NLRP5: variants seen among roughly 807,000 people sequenced by gnomAD.
NLRP5 encodes the protein NACHT, LRR and PYD domains-containing protein 5.
A neutral mutation model predicts 113.1 loss-of-function variants in NLRP5; 93 were observed. That is an observed-to-expected ratio of 0.82 (90% CI 0.70 to 0.98). The LOEUF is 0.98. Among genes scored for constraint, NLRP5 ranks in the 50% least tolerant of loss-of-function variants. The pLI is 0.00. For missense variants in NLRP5, 1,808 were observed against 1,514.3 expected (o/e 1.19, Z -3.22); for synonymous variants, 751 against 600.7 (o/e 1.25, Z -3.66).
Position 56,007,758 on chromosome 19 carries a change from C to T in NLRP5, c.443-1030C>T, listed in dbSNP as rs540374903. ...GGATTGTGGAATAAACACAGGGAGA[C>T]GAGTTTGAGGTCTTTCTACTGTCCA... is the stretch of plus-strand genomic sequence containing the variant. On this transcript the variant is annotated intron_variant, in intron 2 of 14. Transcript: ENST00000390649. 2.6e-3 allele frequency among the ~76,000 whole-genome samples: 362 copies of T among 141,100 alleles called. 3 individuals are homozygous for T. Among genetic ancestry groups the T allele is most frequent in the Middle Eastern group, 7.2e-3 (2 of 278 alleles). The allele number at this position is 141,100 out of a possible 152,430, so 92.6% of individuals were successfully genotyped here.
chr19:56,056,564 CAA>C (rs1984160730), intron 13 of NLRP5, among the ~76,000 whole-genome samples: 1 of 151,800 alleles, frequency 6.6e-6, no homozygotes, highest in African/African-American at 2.4e-5. Context: ...TTCTAAAAAA[CAA>C]AAGCATCCCT....
chr19:56,039,682 C>T (rs1053227109), intron 10 of NLRP5, among the ~76,000 whole-genome samples: 7 of 152,108 alleles, frequency 4.6e-5, no homozygotes, highest in African/African-American at 1.4e-4. Flanking sequence ...GAGGCCGAGG[C>T]GGGCGGATCA....
chr19:56,029,120 C>T (rs1174497646), intron 7 of NLRP5, among the ~76,000 whole-genome samples: 1 of 152,052 alleles, frequency 6.6e-6, no homozygotes, highest in Non-Finnish European at 1.5e-5. Flanking sequence ...CAGGGCCGTG[C>T]TGTCCAGTAG....
intron 6 of NLRP5, among the ~76,000 whole-genome samples, chr19:56,025,415 TTTTTTTTTGAGATGGA>T (rs1278579986): frequency 2.0e-5 from 3 of 150,384 alleles, no homozygotes; most frequent in South Asian, 2.1e-4. Flanking sequence ...TGTCTCTCTG[TTTTTTTTTGAGATGGA>T]GTCTCGCTCT....
At chr19:56,013,376 TAG>T (rs1204508885) in intron 3 of NLRP5, among the ~76,000 whole-genome samples, 1 of 151,904 alleles carries the variant, frequency 6.6e-6, no homozygotes, top group Non-Finnish European at 1.5e-5. Context: ...GTATTTTCAG[TAG>T]AGACGGGGTT....
intron 6 of NLRP5, among the ~76,000 whole-genome samples, chr19:56,021,061 G>A (rs112337011): frequency 4.0e-5 from 6 of 151,830 alleles, no homozygotes; most frequent in African/African-American, 1.2e-4. Context: ...TAGTAGAGAT[G>A]GGGTTTCACC....
rs763571193 is a variant in NLRP5, at chr19:56,026,990, T to C, written c.757T>C (p.Phe253Leu). The C allele has an allele frequency of 3.2e-6, 5 of 1,551,762 alleles. No homozygotes were observed. In the South Asian group the frequency reaches 3.6e-5, roughly 11 times the overall value. ...TGAGGAGGAGGATGTACGTCGTAGTTTTGAAAACACTGCTGCTGACTGGCC... is the reference window on the plus strand; with the variant it reads ...TGAGGAGGAGGATGTACGTCGTAGTCTTGAAAACACTGCTGCTGACTGGCC... Residue 253 changes from phenylalanine (F) to leucine (L), a missense_variant, in exon 7 of 15, where the codon TTT becomes CTT. Phe to Leu is a conservative substitution (Grantham distance 22, BLOSUM62 0). Coordinates refer to ENST00000390649, the MANE Select transcript of NLRP5 (RefSeq NM_153447.4).
chr19:56,044,477 T>G (rs1983648877), intron 11 of NLRP5, among the ~76,000 whole-genome samples: 1 of 152,254 alleles, frequency 6.6e-6, no homozygotes, highest in Non-Finnish European at 1.5e-5. Context: ...AAGGGTGTCC[T>G]TTCTCCACTT....
At chr19:55,994,709 A>G in the NLRP5 span, among the ~76,000 whole-genome samples, 13 of 151,828 alleles carry the variant, frequency 8.6e-5, no homozygotes, top group Admixed American at 2.0e-4. Flanking sequence ...TTGTCTCTTT[A>G]CTCTTGGACT....
intron 6 of NLRP5, among the ~76,000 whole-genome samples, chr19:56,024,545 GTA>G (rs1982760505): frequency 6.9e-6 from 1 of 144,336 alleles, no homozygotes; most frequent in Admixed American, 7.1e-5. Flanking sequence ...GTATATGTAT[GTA>G]TATGTGTATA....
At chr19:56,023,415 T>A (rs1369673105) in intron 6 of NLRP5, among the ~76,000 whole-genome samples, 3 of 152,216 alleles carry the variant, frequency 2.0e-5, no homozygotes, top group African/African-American at 7.2e-5. Flanking sequence ...CGGCCCTCCG[T>A]TTCCCATGGG....
At chr19:55,987,104 C>T in the NLRP5 span, among the ~76,000 whole-genome samples, 46 of 152,204 alleles carry the variant, frequency 3.0e-4, no homozygotes, top group African/African-American at 9.2e-4. Context: ...TGCAGTGGCT[C>T]ACGCCTATAA....
At chr19:56,024,561 G>C (rs1403548734) in intron 6 of NLRP5, among the ~76,000 whole-genome samples, 1 of 141,366 alleles carries the variant, frequency 7.1e-6, no homozygotes, top group African/African-American at 2.6e-5. Flanking sequence ...GTGTATATAT[G>C]TATATATACA....
chr19:56,036,543 C>T (rs144083264), intron 9 of NLRP5, among the ~76,000 whole-genome samples: 1 of 152,192 alleles, frequency 6.6e-6, no homozygotes, highest in African/African-American at 2.4e-5. Context: ...AAACGAGATT[C>T]CTGCTCTCAT....
chr19:56,046,546 GT>G (rs60012701), intron 11 of NLRP5, among the ~76,000 whole-genome samples: 17,040 of 148,596 alleles, frequency 0.11, 1,107 homozygotes, highest in African/African-American at 0.17. Flanking sequence ...ACCACTTCTT[GT>G]TTTTTTTTTC....
Position 56,026,938 on chromosome 19 carries a change from CAA to C in NLRP5, c.706_707del (p.Lys236GlufsTer9). On this transcript the variant is annotated frameshift_variant, in exon 7 of 15. Coordinates refer to ENST00000390649, the MANE Select transcript of NLRP5 (RefSeq NM_153447.4). LOFTEE classifies it high-confidence loss of function. ...GACATGGAGGTGACACATGGGACTACAAGAGTCACGTGATGACCAAATTCGCT... is the reference window on the plus strand; with the variant it reads ...GACATGGAGGTGACACATGGGACTACGAGTCACGTGATGACCAAATTCGCT... 6.4e-7 allele frequency: 1 copy of C among 1,551,628 alleles called. No homozygotes were observed. Among genetic ancestry groups the C allele is most frequent in the Non-Finnish European group, 8.7e-7 (1 of 1,146,954 alleles).
At chr19:56,053,452 G>A (rs58152554) in intron 12 of NLRP5, among the ~76,000 whole-genome samples, 186 bp from the exon 13 acceptor site, 9,362 of 152,110 alleles carry the variant, frequency 0.062, 362 homozygotes, top group East Asian at 0.2. Context: ...CACTTTCCCC[G>A]CCTCCGCTAT....
At chr19:56,026,114 C>G (rs900616569) in intron 6 of NLRP5, among the ~76,000 whole-genome samples, 13 of 151,940 alleles carry the variant, frequency 8.6e-5, no homozygotes, top group Admixed American at 8.5e-4. Context: ...AAGTAGGGAA[C>G]GAAGAGTGAG....
chr19:56,045,698 G>A (rs1015464021), intron 11 of NLRP5, among the ~76,000 whole-genome samples: 10 of 152,052 alleles, frequency 6.6e-5, no homozygotes, highest in African/African-American at 1.9e-4. Flanking sequence ...TAGTTTTATC[G>A]GTTAGGGATA....
Sources: allele counts gnomAD v4.1 joint callset (sites outside exome capture counted in the v4.1 genomes callset), GRCh38; gene constraint gnomAD v4.1.1; transcripts MANE v1.5; gene names NCBI Gene and HGNC (gene_info 2026-07-23, HGNC 2026-07-21).